Variants in CDH4 observed in about 807,000 individuals in gnomAD.
CDH4 encodes the protein cadherin 4.
In CDH4, 33 loss-of-function variants were observed where a neutral mutation model predicts 86.0. The ratio of observed to expected loss-of-function variants is 0.38; its 90% CI spans 0.29 to 0.51. CDH4 has a LOEUF of 0.51. CDH4 is among the 20% of genes least tolerant of loss of function. The pLI is 0.86. For synonymous variants in CDH4, 555 were observed against 549.4 expected, an observed-to-expected ratio of 1.01 and a Z score of -0.14; for missense variants, 1,114 against 1,307.4, an observed-to-expected ratio of 0.85 and a Z score of 2.28.
Position 61,400,824 on chromosome 20 carries a change from T to G in CDH4, c.169+145887T>G, listed in dbSNP as rs144972702. On this transcript the variant is annotated intron_variant, in intron 2 of 15. Transcript: ENST00000614565. ...CCATCACCTCCTTGTTGTTCTGGCCTTTCTATTTCCACCGGCCCTGCCCCC... is the reference window on the plus strand; with the variant it reads ...CCATCACCTCCTTGTTGTTCTGGCCGTTCTATTTCCACCGGCCCTGCCCCC... Among the ~76,000 whole-genome samples the G allele has an allele frequency of 1.4e-3, 213 of 152,332 alleles. 2 individuals carry two copies. The East Asian group carries it at 0.019, about 13-fold the overall frequency.
chr20:61,704,096 G>A (rs139229927), intron 2 of CDH4, among the ~76,000 whole-genome samples: 14 of 152,054 alleles, frequency 9.2e-5, no homozygotes, highest in African/African-American at 2.9e-4. Flanking sequence ...TCTTGGGGTC[G>A]GGCACCAGTG....
At chr20:61,886,042 C>A (rs1296926129) in intron 7 of CDH4, among the ~76,000 whole-genome samples, 1 of 152,228 alleles carries the variant, frequency 6.6e-6, no homozygotes, top group African/African-American at 2.4e-5. Flanking sequence ...AGGGCATCTG[C>A]AAGCCTGGGC....
chr20:61,697,141 T>C (rs1294245658), intron 2 of CDH4, among the ~76,000 whole-genome samples: 1 of 152,118 alleles, frequency 6.6e-6, no homozygotes, highest in Admixed American at 6.5e-5. Flanking sequence ...GAGGCCCCAA[T>C]TGCAAACATT....
At chr20:61,845,639 C>T (rs1301987713) in intron 5 of CDH4, among the ~76,000 whole-genome samples, 1 of 152,266 alleles carries the variant, frequency 6.6e-6, no homozygotes, top group Non-Finnish European at 1.5e-5. Flanking sequence ...TGGGCAGATG[C>T]TGTCGCCTCT....
At chr20:61,686,468 C>T (rs777825554) in intron 2 of CDH4, among the ~76,000 whole-genome samples, 10 of 141,122 alleles carry the variant, frequency 7.1e-5, no homozygotes, top group African/African-American at 2.1e-4. Context: ...TGTGCATTTG[C>T]GTGTATATGT....
At chr20:61,772,961 A>G (rs1445044332) in intron 3 of CDH4, 42 bp from the exon 4 acceptor site, 2 of 1,570,518 alleles carry the variant, frequency 1.3e-6, no homozygotes, top group South Asian at 1.2e-5. Context: ...TGCAAAACCT[A>G]ACTGGACTTC....
intron 2 of CDH4, among the ~76,000 whole-genome samples, chr20:61,260,876 A>G (rs749683779): frequency 6.6e-6 from 1 of 152,206 alleles, no homozygotes; most frequent in Non-Finnish European, 1.5e-5. Context: ...CTGTCTTTAG[A>G]AAGTGGTTGC....
chr20:61,406,739 CGGACCACCATCTGCTCTGCCT>C (rs1376970323), intron 2 of CDH4, among the ~76,000 whole-genome samples: 3 of 142,200 alleles, frequency 2.1e-5, no homozygotes, highest in Admixed American at 6.9e-5. Flanking sequence ...CTGCTCTGCC[CGGACCACCATCTGCTCTGCCT>C]GGACCACCAT....
intron 2 of CDH4, among the ~76,000 whole-genome samples, chr20:61,324,300 G>T (rs1417580010): frequency 2.0e-5 from 3 of 152,160 alleles, no homozygotes; most frequent in Non-Finnish European, 4.4e-5. Context: ...TTGCATTAGT[G>T]TCCTGGGGCT....
At chr20:61,360,131 G>A (rs1246197828) in intron 2 of CDH4, among the ~76,000 whole-genome samples, 2 of 152,234 alleles carry the variant, frequency 1.3e-5, no homozygotes, top group Non-Finnish European at 2.9e-5. Context: ...GCATCTTGGG[G>A]AAGGGAGATT....
chr20:61,923,939 T>C (rs2055014522), intron 10 of CDH4, among the ~76,000 whole-genome samples: 1 of 152,192 alleles, frequency 6.6e-6, no homozygotes, highest in Non-Finnish European at 1.5e-5. Flanking sequence ...CATTCAGCAC[T>C]GTCTAGACAC....
At chr20:61,711,675 T>C (rs1490395101) in intron 2 of CDH4, among the ~76,000 whole-genome samples, 5 of 152,216 alleles carry the variant, frequency 3.3e-5, no homozygotes, top group African/African-American at 1.2e-4. Context: ...TAAGGTGGCA[T>C]AGTCACAGGT....
chr20:61,433,231 T>C (rs1016738871), intron 2 of CDH4, among the ~76,000 whole-genome samples: 3 of 152,194 alleles, frequency 2.0e-5, no homozygotes, highest in Non-Finnish European at 2.9e-5. Flanking sequence ...TATCCAATTG[T>C]TGGTGCACCA....
At chr20:61,910,167 CT>C (rs1419137758) in intron 8 of CDH4, among the ~76,000 whole-genome samples, 2 of 152,014 alleles carry the variant, frequency 1.3e-5, no homozygotes, top group African/African-American at 4.8e-5. Context: ...TTTGTGAACA[CT>C]CCTTGAGCTG....
In CDH4 at chr20:61,898,592, C is replaced by T. The variant is rs1327588266; in HGVS notation, c.1188+3545C>T. ...CACAGGCCTTCCTCCAGGCCACCCC[C>T]ACCCCATCCACACACATGCTCACGG... On this transcript the variant is annotated intron_variant, in intron 8 of 15. Transcript: ENST00000614565. 5.3e-5 allele frequency among the ~76,000 whole-genome samples: 8 copies of T among 152,294 alleles called. No homozygotes were observed. The East Asian group carries it at 1.5e-3, about 29-fold the overall frequency.
intron 2 of CDH4, among the ~76,000 whole-genome samples, chr20:61,716,084 C>T (rs1459022928): frequency 1.3e-5 from 2 of 152,180 alleles, no homozygotes; most frequent in East Asian, 1.9e-4. Flanking sequence ...TCACTGTGCT[C>T]GGCTGGAGCT....
intron 2 of CDH4, among the ~76,000 whole-genome samples, chr20:61,387,912 C>T (rs1379610085): frequency 6.6e-6 from 1 of 152,106 alleles, no homozygotes; most frequent in Admixed American, 6.5e-5. Flanking sequence ...GTCTCTGTTC[C>T]CTGCTTTGCT....
intron 2 of CDH4, among the ~76,000 whole-genome samples, chr20:61,564,057 C>G (rs966500164): frequency 6.6e-6 from 1 of 152,140 alleles, no homozygotes; most frequent in Non-Finnish European, 1.5e-5. Context: ...CGTCACTGCC[C>G]TCAGTCTCCT....
chr20:61,303,212 G>C (rs1336960798), intron 2 of CDH4, among the ~76,000 whole-genome samples: 1 of 152,214 alleles, frequency 6.6e-6, no homozygotes, highest in African/African-American at 2.4e-5. Flanking sequence ...AACAAGAGTG[G>C]AGAGTGGTAC....
Sources: allele counts gnomAD v4.1 joint callset (sites outside exome capture counted in the v4.1 genomes callset), GRCh38; gene constraint gnomAD v4.1.1; transcripts MANE v1.5; gene names NCBI Gene and HGNC (gene_info 2026-07-23, HGNC 2026-07-21).